Variants in DOCK8 observed in about 807,000 individuals in gnomAD.
The protein encoded by DOCK8 is dedicator of cytokinesis protein 8.
In DOCK8, 141 loss-of-function variants were observed where a neutral mutation model predicts 245.6. That is an observed-to-expected ratio of 0.57 (90% CI 0.50 to 0.66). The LOEUF (loss-of-function observed/expected upper bound fraction) is 0.66. Among genes scored for constraint, DOCK8 ranks in the 30% least tolerant of loss-of-function variants. The probability of loss-of-function intolerance (pLI) is 0.00; values close to 1 mark genes in which losing one functional copy is unlikely to be tolerated. For missense variants in DOCK8, 2,965 were observed against 2,603.4 expected, an observed-to-expected ratio of 1.14 and a Z score of -3.02; for synonymous variants, 1,168 against 970.2, an observed-to-expected ratio of 1.20 and a Z score of -3.79.
intron 27 of DOCK8, 152 bp downstream of exon 27, chr9:405,225 A>C: frequency 1.3e-6 from 1 of 758,148 alleles, no homozygotes; most frequent in Non-Finnish European, 2.1e-6. Context: ...CCCTGAAGTT[A>C]CACCACTAGC....
intron 4 of DOCK8, among the ~76,000 whole-genome samples, chr9:299,295 T>G (rs556229379): frequency 6.6e-6 from 1 of 152,186 alleles, no homozygotes; most frequent in Non-Finnish European, 1.5e-5. Flanking sequence ...GAGTGACTGT[T>G]AAGAAACTAG....
intron 5 of DOCK8, among the ~76,000 whole-genome samples, chr9:311,301 G>A (rs1016879382): frequency 1.4e-5 from 2 of 138,786 alleles, no homozygotes; most frequent in African/African-American, 5.4e-5. Context: ...AAAAAAAAAG[G>A]TAATCATACC....
intron 32 of DOCK8, 94 bp from the exon 33 acceptor site, chr9:421,954 C>G (rs2056296189): frequency 9.1e-7 from 1 of 1,103,876 alleles, no homozygotes; most frequent in South Asian, 1.3e-5. Context: ...AGAAATGGTG[C>G]TGAGGCTTCT....
intron 14 of DOCK8, among the ~76,000 whole-genome samples, chr9:358,346 G>C (rs1162655665): frequency 6.6e-6 from 1 of 152,106 alleles, no homozygotes; most frequent in Non-Finnish European, 1.5e-5. Context: ...CTCCTGCCTT[G>C]ACCTCCCAAA....
intron 1 of DOCK8, among the ~76,000 whole-genome samples, chr9:240,082 G>A (rs1378841591): frequency 5.3e-5 from 8 of 152,164 alleles, no homozygotes; most frequent in Non-Finnish European, 8.8e-5. Flanking sequence ...CCATTGATAT[G>A]TGTGGCTCCC....
intron 2 of DOCK8, among the ~76,000 whole-genome samples, chr9:275,241 G>A (rs569774208): frequency 3.9e-5 from 6 of 152,306 alleles, no homozygotes; most frequent in Non-Finnish European, 5.9e-5. Context: ...GAGACACTGT[G>A]GGAGATTAAA....
intron 6 of DOCK8, chr9:314,236 C>G (rs572113277): frequency 1.3e-5 from 2 of 152,298 alleles, no homozygotes; most frequent in African/African-American, 2.4e-5. Context: ...CCAGATTTGT[C>G]AAAACATATT....
intron 1 of DOCK8, among the ~76,000 whole-genome samples, chr9:231,275 A>G (rs1286035240): frequency 6.6e-6 from 1 of 152,112 alleles, no homozygotes; most frequent in Non-Finnish European, 1.5e-5. Context: ...CTGTTTTGGT[A>G]CCAGTACCAT....
chr9:359,511 A>G (rs1216772884), intron 14 of DOCK8, among the ~76,000 whole-genome samples: 2 of 152,242 alleles, frequency 1.3e-5, no homozygotes, highest in East Asian at 1.9e-4. Context: ...GTAGTGAAAT[A>G]TGAATGATAA....
chr9:417,951 A>G (rs2056098983), intron 29 of DOCK8, 117 bp from the exon 30 acceptor site: 1 of 1,291,820 alleles, frequency 7.7e-7, no homozygotes, highest in South Asian at 1.2e-5. Flanking sequence ...GCTAAACATC[A>G]GGTTTGAAAT....
intron 4 of DOCK8, among the ~76,000 whole-genome samples, chr9:296,632 T>C (rs573808539): frequency 7.9e-4 from 121 of 152,330 alleles, no homozygotes; most frequent in African/African-American, 2.8e-3. Flanking sequence ...GTGCATATAA[T>C]TCAGTTACTC....
chr9:423,639 T>G (rs1190225651), intron 33 of DOCK8, among the ~76,000 whole-genome samples: 2 of 152,248 alleles, frequency 1.3e-5, no homozygotes, highest in Non-Finnish European at 2.9e-5. Flanking sequence ...ATTATAGATG[T>G]GACTTGGAAA....
intron 1 of DOCK8, among the ~76,000 whole-genome samples, chr9:229,570 A>C (rs1408344578): frequency 1.3e-5 from 2 of 152,142 alleles, no homozygotes; most frequent in African/African-American, 4.8e-5. Flanking sequence ...CATGTCCCCA[A>C]AGGCAGGATT....
intron 2 of DOCK8, chr9:272,918 A>C: frequency 4.8e-6 from 2 of 418,444 alleles, no homozygotes; most frequent in Non-Finnish European, 6.4e-6. Context: ...CTCACACAGC[A>C]CAGCAGCACT....
intron 14 of DOCK8, 24 bp downstream of exon 14, chr9:340,345 G>C: frequency 6.2e-7 from 1 of 1,613,680 alleles, no homozygotes; most frequent in South Asian, 1.1e-5. Flanking sequence ...GCTCGGGCTG[G>C]GCGTGGTGGC....
chr9:366,508 C>T (rs917309071), intron 14 of DOCK8: 1 of 152,178 alleles, frequency 6.6e-6, no homozygotes, highest in Non-Finnish European at 1.5e-5. Context: ...AATCCCTGTG[C>T]CCTAACTTTT....
At chr9:266,816 T>C (rs1211032710) in intron 1 of DOCK8, among the ~76,000 whole-genome samples, 1 of 152,204 alleles carries the variant, frequency 6.6e-6, no homozygotes, top group African/African-American at 2.4e-5. Context: ...ATAAACTATT[T>C]TGAGTTCCTT....
chr9:421,901 C>CT, intron 32 of DOCK8, 147 bp from the exon 33 acceptor site: 1 of 732,444 alleles, frequency 1.4e-6, no homozygotes. Flanking sequence ...GGTGTGGCGA[C>CT]TTTGTCTCCT....
chr9:286,240 T>C (rs1188467287), intron 2 of DOCK8, among the ~76,000 whole-genome samples: 1 of 152,176 alleles, frequency 6.6e-6, no homozygotes, highest in Non-Finnish European at 1.5e-5. Flanking sequence ...GGGGTGGGAT[T>C]TTAATTACTC....
Sources: gnomAD v4.1 joint callset for allele counts (sites outside exome capture counted in the v4.1 genomes callset) on GRCh38, gnomAD v4.1.1 for gene constraint, MANE v1.5 for transcripts, NCBI Gene and HGNC (gene_info 2026-07-23, HGNC 2026-07-21) for gene names.